LRRC4C: variants seen among roughly 807,000 people sequenced by gnomAD.
LRRC4C encodes the protein leucine rich repeat containing 4C.
A neutral mutation model predicts 33.6 loss-of-function variants in LRRC4C; 5 were observed. The ratio of observed to expected loss-of-function variants is 0.15; its 90% confidence interval spans 0.08 to 0.31. The LOEUF is 0.31. LRRC4C is among the 10% of genes least tolerant of loss of function. The probability of loss-of-function intolerance (pLI) is 1.00; values close to 1 mark genes in which losing one functional copy is unlikely to be tolerated. For synonymous variants in LRRC4C, 329 were observed against 302.0 expected, an observed-to-expected ratio of 1.09 and a Z score of -0.93; for missense variants, 560 against 796.7, an observed-to-expected ratio of 0.70 and a Z score of 3.58.
At chr11:41,377,464 C>A (rs1952979047) in intron 1 of LRRC4C, among the ~76,000 whole-genome samples, 1 of 152,106 alleles carries the variant, frequency 6.6e-6, no homozygotes, top group South Asian at 2.1e-4. Context: ...ACAGTTCCAC[C>A]AGTACCAGTT....
At chr11:41,185,929 T>A (rs919407257) in intron 1 of LRRC4C, among the ~76,000 whole-genome samples, 3 of 152,104 alleles carry the variant, frequency 2.0e-5, no homozygotes, top group South Asian at 4.2e-4. Context: ...TATATAAAAA[T>A]TATTCATTTA....
Position 40,532,077 on chromosome 11 carries a change from C to T in LRRC4C, c.-270+116065G>A, listed in dbSNP as rs538928188. 7.4e-5 allele frequency among the ~76,000 whole-genome samples: 11 copies of T among 149,566 alleles called. No homozygotes were observed. The East Asian group carries it at 2.2e-3, about 29-fold the overall frequency. ...CTGCAACAATCTCATAAACTAGAAA[C>T]CATTGCACTCGTAGTTTCTAGATAA... On this transcript the variant is annotated intron_variant, in intron 3 of 6. Coordinates refer to ENST00000528697, the MANE Select transcript of LRRC4C (RefSeq NM_001258419.2).
chr11:40,115,179 C>T lies in LRRC4C; in HGVS notation c.1114G>A (p.Glu372Lys). ...GATGTGGAGGCCCGACATTTCAGCT[C>T]AGCTGCCATGCCTTCAGTGACATTG... ...DLNVTEGMAA[E>K]LKCRASTSLT... Residue 372 changes from glutamate (E) to lysine (K), a missense_variant, in exon 7 of 7, where the codon GAG (glutamate) becomes AAG (lysine). Around this residue, in one of 3 missense-constraint regions of LRRC4C, gnomAD observed 455 missense variants for 643.8 expected, o/e 0.71. Coordinates refer to ENST00000528697, the MANE Select transcript of LRRC4C (RefSeq NM_001258419.2). This position sits in a 1 kb window ranked among gnomAD's most constrained non-coding sequence, Gnocchi z 6.7. 1 of 1,614,188 alleles carries T rather than the reference C, an allele frequency of 6.2e-7. No individual in the cohort carries two copies. Among genetic ancestry groups the T allele is most frequent in the Non-Finnish European group, 8.5e-7 (1 of 1,180,040 alleles).
intron 4 of LRRC4C, among the ~76,000 whole-genome samples, chr11:40,268,940 G>A (rs1040024743): frequency 3.3e-5 from 5 of 152,150 alleles, no homozygotes; most frequent in African/African-American, 1.2e-4. Context: ...ACTTTACCAA[G>A]CCTATTGTTT....
chr11:40,822,415 T>C (rs915592252), intron 2 of LRRC4C, among the ~76,000 whole-genome samples: 2 of 151,724 alleles, frequency 1.3e-5, no homozygotes, highest in Admixed American at 6.6e-5. Context: ...ATTCATTCAC[T>C]GATGGACACT....
intron 3 of LRRC4C, among the ~76,000 whole-genome samples, chr11:40,381,378 T>C (rs1948860673): frequency 6.6e-6 from 1 of 152,172 alleles, no homozygotes; most frequent in Admixed American, 6.5e-5. Flanking sequence ...AATTCTGCCC[T>C]AGAACAACTG....
At chr11:40,264,023 A>C (rs1345704276) in intron 4 of LRRC4C, among the ~76,000 whole-genome samples, 1 of 152,116 alleles carries the variant, frequency 6.6e-6, no homozygotes, top group East Asian at 1.9e-4. Context: ...TAAATTCTAG[A>C]TCTTGATTGA....
At chr11:40,615,238 T>TTA (rs756021420) in intron 3 of LRRC4C, among the ~76,000 whole-genome samples, 1,642 of 88,054 alleles carry the variant, frequency 0.019, 28 homozygotes, top group East Asian at 0.038. Context: ...TTGATTTATT[T>TTA]TATATATATA....
intron 2 of LRRC4C, among the ~76,000 whole-genome samples, chr11:40,736,176 C>T (rs1452388407): frequency 6.6e-6 from 1 of 151,908 alleles, no homozygotes; most frequent in African/African-American, 2.4e-5. Flanking sequence ...CCCCCACCCC[C>T]AAACAGGCCC....
intron 1 of LRRC4C, among the ~76,000 whole-genome samples, chr11:41,125,073 C>A (rs904116272): frequency 6.6e-6 from 1 of 151,988 alleles, no homozygotes; most frequent in Non-Finnish European, 1.5e-5. Context: ...CTCAAGGACA[C>A]AAGGAAAACA....
chr11:40,262,534 T>G (rs1195734300), intron 4 of LRRC4C, among the ~76,000 whole-genome samples: 2 of 152,140 alleles, frequency 1.3e-5, no homozygotes, highest in African/African-American at 4.8e-5. Flanking sequence ...CGTGCCCACG[T>G]ATGTTTATTG....
At chr11:40,475,022 A>G (rs1024421730) in intron 3 of LRRC4C, among the ~76,000 whole-genome samples, 3 of 152,198 alleles carry the variant, frequency 2.0e-5, no homozygotes, top group African/African-American at 7.2e-5. Flanking sequence ...AATTAGTTCA[A>G]CCATTGTGGA....
At chr11:40,315,821 T>A (rs1489467222) in intron 4 of LRRC4C, among the ~76,000 whole-genome samples, 3 of 152,042 alleles carry the variant, frequency 2.0e-5, no homozygotes, top group Non-Finnish European at 4.4e-5. Flanking sequence ...TGAACAGCGG[T>A]TTATAAAAAT....
chr11:41,220,234 T>C (rs1947241830), intron 1 of LRRC4C, among the ~76,000 whole-genome samples: 1 of 152,288 alleles, frequency 6.6e-6, no homozygotes, highest in Admixed American at 6.5e-5. Flanking sequence ...AACTCACTGA[T>C]TGTTATACCA....
Position 40,656,804 on chromosome 11 carries a change from A to G in LRRC4C, c.-406-8526T>C, listed in dbSNP as rs925287562. On this transcript the variant is annotated intron_variant, in intron 2 of 6. Coordinates refer to ENST00000528697, the MANE Select transcript of LRRC4C (RefSeq NM_001258419.2). ...TGTTGATCTTTTTGTTAAAATATCC[A>G]TATACCACAAGGCCACCAAATTTGT... 5.9e-5 allele frequency among the ~76,000 whole-genome samples: 9 copies of G among 152,232 alleles called. No individual in the cohort carries two copies. In the East Asian group the frequency reaches 1.3e-3, roughly 23 times the overall value.
intron 3 of LRRC4C, among the ~76,000 whole-genome samples, chr11:40,490,600 G>A (rs988478833): frequency 6.6e-6 from 1 of 152,150 alleles, no homozygotes; most frequent in African/African-American, 2.4e-5. Flanking sequence ...GGCCTGAGGA[G>A]TGAATTTTAC....
intron 6 of LRRC4C, among the ~76,000 whole-genome samples, chr11:40,122,199 GT>G (rs1294667039): frequency 6.6e-6 from 1 of 151,974 alleles, no homozygotes; most frequent in Non-Finnish European, 1.5e-5. Flanking sequence ...TCCTAAACAA[GT>G]TTCTACATTG....
intron 1 of LRRC4C, among the ~76,000 whole-genome samples, chr11:41,055,590 G>A (rs1184565960): frequency 1.3e-5 from 2 of 152,070 alleles, no homozygotes; most frequent in African/African-American, 2.4e-5. Flanking sequence ...TAATGAGGTT[G>A]ATTTATACAT....
chr11:40,587,504 A>C (rs1958813507), intron 3 of LRRC4C, among the ~76,000 whole-genome samples: 1 of 141,404 alleles, frequency 7.1e-6, no homozygotes, highest in African/African-American at 2.7e-5. Flanking sequence ...CAGAACTTCC[A>C]ACACTATGTT....
Sources: gnomAD v4.1 joint callset for allele counts (sites outside exome capture counted in the v4.1 genomes callset) on GRCh38, gnomAD v4.1.1 for gene constraint, gnomAD v4.1.1 regional missense constraint, Gnocchi (gnomAD v3.1) non-coding constraint, MANE v1.5 for transcripts, NCBI Gene and HGNC (gene_info 2026-07-23, HGNC 2026-07-21) for gene names.